The following FANCC variants were observed in gnomAD, a reference collection of about 807,000 sequenced individuals.
FANCC encodes FA complementation group C.
FANCC carries 55 observed loss-of-function variants against 71.3 expected under a neutral mutation model. That is an observed-to-expected ratio of 0.77 (90% CI 0.62 to 0.97). FANCC has a LOEUF of 0.97. Ranked by LOEUF, FANCC falls within the 50% of genes least tolerant of loss-of-function variation. FANCC has a pLI of 0.00. For synonymous variants in FANCC, 275 were observed against 244.9 expected, an observed-to-expected ratio of 1.12 and a Z score of -1.15; for missense variants, 678 against 670.9, an observed-to-expected ratio of 1.01 and a Z score of -0.12.
chr9:95,190,809 C>T (rs1827043589), intron 4 of FANCC, among the ~76,000 whole-genome samples: 2 of 152,224 alleles, frequency 1.3e-5, no homozygotes, highest in Non-Finnish European at 2.9e-5. Context: ...TTTTTAGACA[C>T]TGGAGACCTG....
At position 95,205,353 on chromosome 9, in the gene FANCC, T is replaced by C. The variant is rs891302716; in HGVS notation, c.346-33206A>G. ...CTCAATTATGTGTGCCTATATAAAA[T>C]AGCAGCTAAGATGTCATATTTTATA... On this transcript the variant is annotated intron_variant, in intron 4 of 14. Transcript: ENST00000289081. Among the ~76,000 whole-genome samples, 5 of 152,266 alleles carry C rather than the reference T, an allele frequency of 3.3e-5. 1 individual carries two copies. Among genetic ancestry groups the C allele is most frequent in the African/African-American group, 4.8e-5 (2 of 41,586 alleles).
intron 1 of FANCC, among the ~76,000 whole-genome samples, chr9:95,265,028 T>C (rs1361074648): frequency 6.6e-6 from 1 of 151,844 alleles, no homozygotes; most frequent in Non-Finnish European, 1.5e-5. Flanking sequence ...TTGTTCCCAT[T>C]AAGTGCTTAT....
rs878853673 is a variant in FANCC, at chr9:95,125,193, A to G, written c.897-8T>C. ...GTTTCCAGGAGTGCACACCTGAACA[A>G]TGCAAAGTCAGATCAGAACACGTTT... On this transcript the variant is annotated splice_polypyrimidine_tract_variant and splice_region_variant and intron_variant, in intron 9 of 14. Transcript: ENST00000289081. 7.5e-6 allele frequency: 12 copies of G among 1,608,238 alleles called. No homozygotes were observed. The Admixed American group carries it at 1.8e-4, about 25-fold the overall frequency.
chr9:95,170,983 G>T, intron 6 of FANCC, 96 bp downstream of exon 6: 2 of 873,800 alleles, frequency 2.3e-6, no homozygotes, highest in South Asian at 2.7e-5. Flanking sequence ...AACCATAACT[G>T]AACATCCATT....
At chr9:95,226,687 C>T (rs1405722061) in intron 4 of FANCC, among the ~76,000 whole-genome samples, 1 of 152,312 alleles carries the variant, frequency 6.6e-6, no homozygotes, top group East Asian at 1.9e-4. Flanking sequence ...GACAAACTGC[C>T]CGGGTTCCCA....
At chr9:95,262,384 C>T (rs1832108608) in intron 1 of FANCC, among the ~76,000 whole-genome samples, 1 of 152,262 alleles carries the variant, frequency 6.6e-6, no homozygotes, top group Admixed American at 6.5e-5. Context: ...CGCTGGGTGA[C>T]AGGCTGGGGC....
intron 1 of FANCC, among the ~76,000 whole-genome samples, chr9:95,305,086 T>C (rs1477738214): frequency 1.3e-5 from 2 of 152,166 alleles, no homozygotes; most frequent in Non-Finnish European, 2.9e-5. Flanking sequence ...AATTGCTCTA[T>C]TATCCAATTT....
chr9:95,228,077 C>A (rs1341957665), intron 4 of FANCC, among the ~76,000 whole-genome samples: 2 of 152,142 alleles, frequency 1.3e-5, no homozygotes, highest in African/African-American at 2.4e-5. Context: ...TGGTAAAATG[C>A]AATAAAATCA....
intron 4 of FANCC, among the ~76,000 whole-genome samples, chr9:95,230,602 C>T (rs1170878925): frequency 6.6e-6 from 1 of 152,044 alleles, no homozygotes; most frequent in Non-Finnish European, 1.5e-5. Context: ...ATGGTGGGTT[C>T]GTGGTCTCTC....
intron 13 of FANCC, chr9:95,110,968 TA>T: frequency 7.1e-7 from 1 of 1,405,662 alleles, no homozygotes; most frequent in East Asian, 2.6e-5. Flanking sequence ...CTGATTACTT[TA>T]GTAAGAGATG....
chr9:95,216,922 A>AG (rs1828898275), intron 4 of FANCC, among the ~76,000 whole-genome samples: 2 of 152,210 alleles, frequency 1.3e-5, no homozygotes, highest in African/African-American at 4.8e-5. Flanking sequence ...CCAAAAAGGA[A>AG]GGAAAAAAAA....
At chr9:95,211,029 A>G (rs1433414214) in intron 4 of FANCC, among the ~76,000 whole-genome samples, 1 of 152,208 alleles carries the variant, frequency 6.6e-6, no homozygotes, top group Non-Finnish European at 1.5e-5. Flanking sequence ...AAAGCACTCC[A>G]GTTGTCTTCA....
intron 1 of FANCC, among the ~76,000 whole-genome samples, chr9:95,278,877 A>G (rs970866010): frequency 6.6e-6 from 1 of 152,144 alleles, no homozygotes. Flanking sequence ...AGAAATTAAA[A>G]TGCTACATTA....
intron 4 of FANCC, among the ~76,000 whole-genome samples, chr9:95,224,236 A>G (rs181733866): frequency 5.3e-5 from 8 of 152,272 alleles, no homozygotes; most frequent in Non-Finnish European, 1.2e-4. Flanking sequence ...GAATCATAGA[A>G]TCACAGATTC....
At chr9:95,239,244 G>A (rs1011320960) in intron 4 of FANCC, among the ~76,000 whole-genome samples, 3 of 152,068 alleles carry the variant, frequency 2.0e-5, no homozygotes, top group South Asian at 2.1e-4. Flanking sequence ...ACTCAACCAC[G>A]CTGCCCTGGA....
At chr9:95,317,359 G>C (rs1250013761) in intron 1 of FANCC, 167 bp downstream of exon 1, 1 of 148,424 alleles carries the variant, frequency 6.7e-6, no homozygotes, top group African/African-American at 2.5e-5. Flanking sequence ...ACAGCCCTGC[G>C]CCGGCGGGAA....
intron 13 of FANCC, chr9:95,110,235 A>G: frequency 1.0e-6 from 1 of 1,002,580 alleles, no homozygotes; most frequent in East Asian, 7.1e-5. Context: ...ATTAAGTGTT[A>G]TTGAATAATT....
At chr9:95,232,419 A>T (rs1169227554) in intron 4 of FANCC, among the ~76,000 whole-genome samples, 2 of 152,238 alleles carry the variant, frequency 1.3e-5, no homozygotes, top group East Asian at 3.8e-4. Flanking sequence ...GGCTGGGAAG[A>T]AGGATGCCTT....
intron 13 of FANCC, chr9:95,110,436 G>A (rs1443806064): frequency 4.9e-6 from 5 of 1,023,488 alleles, no homozygotes; most frequent in Non-Finnish European, 4.7e-6. Flanking sequence ...TTAGCTTAAC[G>A]TGATCTTTTA....
Sources: gnomAD v4.1 joint callset for allele counts (sites outside exome capture counted in the v4.1 genomes callset) on GRCh38, gnomAD v4.1.1 for gene constraint, MANE v1.5 for transcripts, NCBI Gene and HGNC (gene_info 2026-07-23, HGNC 2026-07-21) for gene names.